The following LRRC49 variants were observed in gnomAD, a reference collection of about 807,000 sequenced individuals.
The protein encoded by LRRC49 is leucine-rich repeat-containing protein 49.
LRRC49 carries 50 observed loss-of-function variants against 83.3 expected under a neutral mutation model. That is an observed-to-expected ratio of 0.60 (90% CI 0.48 to 0.76). The LOEUF is 0.76. Ranked by LOEUF, LRRC49 falls within the 30% of genes least tolerant of loss-of-function variation. LRRC49 has a pLI of 0.00. For missense variants in LRRC49, 704 were observed against 809.1 expected (o/e 0.87, Z 1.58); for synonymous variants, 286 against 283.3 (o/e 1.01, Z -0.10).
At chr15:70,908,396 G>T (rs1392103070) in intron 5 of LRRC49, among the ~76,000 whole-genome samples, 1 of 152,164 alleles carries the variant, frequency 6.6e-6, no homozygotes, top group Non-Finnish European at 1.5e-5. Context: ...TGTTTGGCAG[G>T]CAGGAGGCTA....
intron 11 of LRRC49, among the ~76,000 whole-genome samples, chr15:71,005,914 A>G (rs541717828): frequency 6.6e-6 from 1 of 152,346 alleles, no homozygotes; most frequent in East Asian, 1.9e-4. Flanking sequence ...GTCACTTTTT[A>G]ATGGAGCTCA....
intron 14 of LRRC49, among the ~76,000 whole-genome samples, chr15:71,022,770 G>A (rs530713151): frequency 6.6e-6 from 1 of 152,208 alleles, no homozygotes; most frequent in African/African-American, 2.4e-5. Flanking sequence ...GTAATTAATA[G>A]AAAAAGGATA....
At chr15:70,960,665 A>G (rs552907699) in intron 8 of LRRC49, among the ~76,000 whole-genome samples, 21 of 152,328 alleles carry the variant, frequency 1.4e-4, no homozygotes, top group African/African-American at 4.8e-4. Context: ...ATAAAGGAGC[A>G]AAAGCAATTC....
intron 14 of LRRC49, among the ~76,000 whole-genome samples, chr15:71,022,094 C>G (rs900173066): frequency 2.0e-5 from 3 of 152,076 alleles, no homozygotes; most frequent in African/African-American, 7.2e-5. Flanking sequence ...AAAGATTAGC[C>G]AGGCCTGGTG....
chr15:70,886,057 A>T (rs1029374240), intron 2 of LRRC49, among the ~76,000 whole-genome samples: 4 of 152,222 alleles, frequency 2.6e-5, no homozygotes, highest in Admixed American at 6.5e-5. Flanking sequence ...TACGGGAATT[A>T]AAAAATATAC....
At chr15:70,980,311 T>A in intron 10 of LRRC49, 127 bp downstream of exon 10, 1 of 539,786 alleles carries the variant, frequency 1.9e-6, no homozygotes. Flanking sequence ...ATCAACAGAA[T>A]GTACGTACCC....
intron 1 of LRRC49, among the ~76,000 whole-genome samples, chr15:70,862,577 CAAA>C (rs10623501): frequency 6.5e-5 from 4 of 61,748 alleles, no homozygotes; most frequent in African/African-American, 1.4e-4. Flanking sequence ...GACTCCGTCT[CAAA>C]AAAAAAAAAA....
chr15:70,999,145 G>C (rs944359395), intron 11 of LRRC49, among the ~76,000 whole-genome samples: 2 of 152,020 alleles, frequency 1.3e-5, no homozygotes, highest in Non-Finnish European at 2.9e-5. Flanking sequence ...TTTTTGTCTA[G>C]TAAGTCCAAT....
intron 15 of LRRC49, among the ~76,000 whole-genome samples, chr15:71,041,878 C>T (rs1188083184): frequency 6.6e-6 from 1 of 152,066 alleles, no homozygotes; most frequent in East Asian, 1.9e-4. Flanking sequence ...TCAATTAAAA[C>T]AGGGTGGTTG....
At chr15:70,910,427 A>G (rs1244904281) in intron 5 of LRRC49, among the ~76,000 whole-genome samples, 4 of 152,164 alleles carry the variant, frequency 2.6e-5, no homozygotes, top group Non-Finnish European at 5.9e-5. Flanking sequence ...ATATTATTCA[A>G]TGGATGATCC....
At chr15:71,028,799 A>T (rs914597434) in intron 14 of LRRC49, among the ~76,000 whole-genome samples, 3 of 151,948 alleles carry the variant, frequency 2.0e-5, no homozygotes, top group Non-Finnish European at 2.9e-5. Context: ...ACTCCCCTTT[A>T]TCATTTTTTA....
At chr15:71,020,590 C>T (rs2141275983) in intron 14 of LRRC49, among the ~76,000 whole-genome samples, 1 of 152,214 alleles carries the variant, frequency 6.6e-6, no homozygotes, top group Middle Eastern at 3.4e-3. Context: ...GAGAAGTTAC[C>T]TTCAAAAGAG....
intron 11 of LRRC49, among the ~76,000 whole-genome samples, chr15:70,986,559 A>T (rs2037626520): frequency 6.6e-6 from 1 of 152,228 alleles, no homozygotes; most frequent in Admixed American, 6.5e-5. Flanking sequence ...TTTTCTAGAT[A>T]TACAATCATG....
chr15:70,944,950 A>T lies in LRRC49; in HGVS notation c.773+8128A>T, dbSNP rs143223659. ...TTGCAATGTCTCCCAGTTCCATGTG[A>T]CCCATAGATACTCTTCATCTCACAG... On this transcript the variant is annotated intron_variant, in intron 8 of 15. Transcript: ENST00000260382. Among the ~76,000 whole-genome samples the T allele has an allele frequency of 6.2e-4, 95 of 152,166 alleles. No homozygotes were observed. The East Asian group carries it at 0.017, about 28-fold the overall frequency.
chr15:70,870,956 T>TTTTGTTTTTG (rs768132212), intron 1 of LRRC49, among the ~76,000 whole-genome samples: 7 of 150,206 alleles, frequency 4.7e-5, no homozygotes, highest in Admixed American at 1.3e-4. Flanking sequence ...TTTTTTTTTT[T>TTTTGTTTTTG]TTTTTTTTTA....
chr15:71,040,437 G>T (rs1408380856), intron 15 of LRRC49, among the ~76,000 whole-genome samples: 1 of 152,086 alleles, frequency 6.6e-6, no homozygotes. Context: ...TTGCAGACAT[G>T]ATTAATATCC....
chr15:70,963,027 G>A (rs564362854), intron 8 of LRRC49, among the ~76,000 whole-genome samples: 3 of 152,044 alleles, frequency 2.0e-5, no homozygotes, highest in Admixed American at 1.3e-4. Flanking sequence ...AGCACTTTGG[G>A]GGGGCAAGGT....
chr15:70,954,025 C>T (rs2036312915), intron 8 of LRRC49, among the ~76,000 whole-genome samples: 1 of 151,792 alleles, frequency 6.6e-6, no homozygotes, highest in Non-Finnish European at 1.5e-5. Context: ...CTCCCGAGTA[C>T]TTGACTCTAC....
chr15:70,933,007 G>T (rs1268968084), intron 7 of LRRC49, among the ~76,000 whole-genome samples: 1 of 151,984 alleles, frequency 6.6e-6, no homozygotes, highest in Admixed American at 6.6e-5. Flanking sequence ...GGGATTACAG[G>T]CACAAGCCAC....
Sources: gnomAD v4.1 joint callset for allele counts (sites outside exome capture counted in the v4.1 genomes callset) on GRCh38, gnomAD v4.1.1 for gene constraint, MANE v1.5 for transcripts, NCBI Gene and HGNC (gene_info 2026-07-23, HGNC 2026-07-21) for gene names.